Variants in PRDM2 observed in about 807,000 individuals in gnomAD.
PRDM2 encodes PR/SET domain 2.
PRDM2 carries 30 observed loss-of-function variants against 130.0 expected under a neutral mutation model. That is an observed-to-expected ratio of 0.23 (90% CI 0.17 to 0.31). PRDM2 has a LOEUF of 0.31. Among genes scored for constraint, PRDM2 ranks in the 10% least tolerant of loss-of-function variants. The probability of loss-of-function intolerance (pLI) is 1.00; values close to 1 mark genes in which losing one functional copy is unlikely to be tolerated. For synonymous variants in PRDM2, 871 were observed against 782.4 expected (o/e 1.11, Z -1.89); for missense variants, 2,011 against 2,108.4 (o/e 0.95, Z 0.90).
chr1:13,795,435 C>T (rs1172348377), intron 8 of PRDM2, among the ~76,000 whole-genome samples: 2 of 152,216 alleles, frequency 1.3e-5, no homozygotes, highest in African/African-American at 4.8e-5. Context: ...CAGTCTGTCT[C>T]ATCTCTTAAT....
At chr1:13,816,396 G>A in intron 8 of PRDM2, 31 bp from the exon 9 acceptor site, 2 of 1,613,174 alleles carry the variant, frequency 1.2e-6, no homozygotes, top group Non-Finnish European at 1.7e-6. Context: ...GGGCTCCTGT[G>A]ACAATGTGTG....
chr1:13,800,502 A>T (rs1272343949), intron 8 of PRDM2, among the ~76,000 whole-genome samples: 1 of 151,954 alleles, frequency 6.6e-6, no homozygotes, highest in Non-Finnish European at 1.5e-5. Flanking sequence ...GAGGATGGGG[A>T]GATGTGGAGG....
intron 6 of PRDM2, among the ~76,000 whole-genome samples, chr1:13,755,058 G>A (rs990714516): frequency 6.6e-6 from 1 of 152,016 alleles, no homozygotes; most frequent in African/African-American, 2.4e-5. Context: ...TTATGGTGGC[G>A]GTCTGTTTTT....
intron 6 of PRDM2, among the ~76,000 whole-genome samples, chr1:13,759,492 T>C (rs1249601579): frequency 1.3e-5 from 2 of 152,188 alleles, no homozygotes; most frequent in Admixed American, 6.5e-5. Context: ...TTGGCTACAT[T>C]TTTGTCTTTC....
intron 2 of PRDM2, among the ~76,000 whole-genome samples, chr1:13,727,930 G>C (rs1303412746): frequency 6.6e-6 from 1 of 152,122 alleles, no homozygotes; most frequent in African/African-American, 2.4e-5. Context: ...ATGAGTATGT[G>C]GGGGAGAGAA....
At chr1:13,734,090 A>G (rs1346200405) in intron 4 of PRDM2, among the ~76,000 whole-genome samples, 1 of 152,204 alleles carries the variant, frequency 6.6e-6, no homozygotes, top group African/African-American at 2.4e-5. Flanking sequence ...TGAATTTGTT[A>G]TAATGTATCT....
intron 4 of PRDM2, among the ~76,000 whole-genome samples, chr1:13,733,307 A>G (rs1021181933): frequency 6.6e-6 from 1 of 152,350 alleles, no homozygotes. Flanking sequence ...TCAGTTGGAT[A>G]TATTTAGCAT....
chr1:13,703,887 A>G (rs1226134353), intron 1 of PRDM2, among the ~76,000 whole-genome samples: 1 of 152,256 alleles, frequency 6.6e-6, no homozygotes, highest in Admixed American at 6.5e-5. Flanking sequence ...ATGCACAGAA[A>G]TGGTGAGTTT....
At chr1:13,812,607 C>T (rs1645191807) in intron 8 of PRDM2, among the ~76,000 whole-genome samples, 1 of 152,162 alleles carries the variant, frequency 6.6e-6, no homozygotes, top group Admixed American at 6.5e-5. Context: ...GTGAGATGCT[C>T]ATTAGACATC....
intron 6 of PRDM2, among the ~76,000 whole-genome samples, chr1:13,764,492 T>C (rs1223019627): frequency 6.6e-6 from 1 of 152,262 alleles, no homozygotes; most frequent in African/African-American, 2.4e-5. Context: ...TAATGCTTTC[T>C]TATCTTGAAT....
At chr1:13,713,109 C>T (rs182565834) in intron 1 of PRDM2, among the ~76,000 whole-genome samples, 1 of 151,872 alleles carries the variant, frequency 6.6e-6, no homozygotes, top group East Asian at 1.9e-4. Flanking sequence ...CTCAATCCTT[C>T]TCTGACCACA....
At chr1:13,758,599 T>C (rs79105662) in intron 6 of PRDM2, among the ~76,000 whole-genome samples, 12,777 of 152,128 alleles carry the variant, frequency 0.084, 832 homozygotes, top group Admixed American at 0.21. Context: ...CTCTGAAAAA[T>C]AGGAGAAGGT....
rs554503733 is a variant in PRDM2, at chr1:13,781,140, G to A, written c.3345G>A (p.Glu1115=). 22 of 1,614,156 alleles carry A rather than the reference G, an allele frequency of 1.4e-5. 1 individual carries two copies. In the South Asian group the frequency reaches 2.1e-4, roughly 15 times the overall value. ...ATGAAGGTCTGAAACCCAGGGAAGA[G>A]CCCCAGTCTGCTGCTGAACAGGATG... The part of the protein sequence containing the change: ...LENEGLKPRE[E]PQSAAEQDVV... Residue 1115 remains glutamate, a synonymous_variant, in exon 8 of 10, where the codon GAG becomes GAA. Transcript: ENST00000311066. The surrounding 1 kb of genome is among the most constrained non-coding windows in gnomAD (Gnocchi z 6.1).
chr1:13,781,080 C>T lies in PRDM2; in HGVS notation c.3285C>T (p.Leu1095=), dbSNP rs534536723. 10 of 1,613,726 alleles carry T rather than the reference C, an allele frequency of 6.2e-6. No individual in the cohort carries two copies. In the South Asian group the frequency reaches 8.8e-5, roughly 14 times the overall value. The change falls in exon 8 of 10, where the codon CTC becomes CTT. Residue 1095 remains leucine, a synonymous_variant. Transcript: ENST00000311066. This position sits in a 1 kb window ranked among gnomAD's most constrained non-coding sequence, Gnocchi z 6.1. The part of the protein sequence containing the change: ...VSSGDNLEAS[L]PMISFKQEEL... The stretch of plus-strand genomic sequence containing the variant: ...CTGGTGATAATCTGGAGGCTTCTCT[C>T]CCCATGATATCTTTCAAACAGGAGG...
intron 7 of PRDM2, among the ~76,000 whole-genome samples, chr1:13,777,769 T>G (rs1487545365): frequency 6.6e-6 from 1 of 150,914 alleles, no homozygotes; most frequent in Admixed American, 6.6e-5. Context: ...CCGAAGTGAC[T>G]GCAGATTTCT....
At chr1:13,748,518 T>C (rs1643685847) in intron 5 of PRDM2, among the ~76,000 whole-genome samples, 1 of 152,230 alleles carries the variant, frequency 6.6e-6, no homozygotes, top group South Asian at 2.1e-4. Context: ...TTACTTGTAT[T>C]GATACCCTTG....
rs772163123 is a variant in PRDM2 at position 13,778,559 on chromosome 1, G to T, written c.764G>T (p.Arg255Leu). ...GAGCCACAGCCAGAACCAGACGAGCGATTAGAAGCGGCAGCTTGTGAGGTG... is the reference window on the plus strand; with the variant it reads ...GAGCCACAGCCAGAACCAGACGAGCTATTAGAAGCGGCAGCTTGTGAGGTG... ...AWEPQPEPDE[R>L]LEAAACEVND... The change falls in exon 8 of 10, where the codon CGA becomes CTA. Residue 255 changes from arginine (R) to leucine (L), a missense_variant. Transcript: ENST00000311066. 2 of 1,614,054 alleles carry T rather than the reference G, an allele frequency of 1.2e-6. No individual in the cohort carries two copies. Among genetic ancestry groups the T allele is most frequent in the Non-Finnish European group, 1.7e-6 (2 of 1,180,054 alleles).
chr1:13,808,397 G>A (rs553402179), intron 8 of PRDM2, among the ~76,000 whole-genome samples: 14 of 150,470 alleles, frequency 9.3e-5, no homozygotes, highest in Non-Finnish European at 2.1e-4. Flanking sequence ...ACGGGAGGTG[G>A]AGCTTGCAGT....
intron 6 of PRDM2, among the ~76,000 whole-genome samples, chr1:13,754,036 G>A (rs1032955144): frequency 2.0e-5 from 3 of 152,156 alleles, no homozygotes; most frequent in African/African-American, 7.2e-5. Flanking sequence ...TGCAGGGTGG[G>A]TGGAGGAGGT....
Sources: gnomAD v4.1 joint callset for allele counts (sites outside exome capture counted in the v4.1 genomes callset) on GRCh38, gnomAD v4.1.1 for gene constraint, Gnocchi (gnomAD v3.1) non-coding constraint, MANE v1.5 for transcripts, NCBI Gene and HGNC (gene_info 2026-07-23, HGNC 2026-07-21) for gene names.